Variants in RABGGTB observed in about 807,000 individuals in gnomAD.
RABGGTB encodes the protein Rab geranylgeranyltransferase subunit beta.
In RABGGTB, 20 loss-of-function variants were observed where a neutral mutation model predicts 44.5. The ratio of observed to expected loss-of-function variants is 0.45; its 90% CI spans 0.32 to 0.65. The LOEUF (loss-of-function observed/expected upper bound fraction) is 0.65, where lower values mean the gene tolerates loss of function less well. Among genes scored for constraint, RABGGTB ranks in the 30% least tolerant of loss-of-function variants. The probability of loss-of-function intolerance (pLI) is 0.05; values close to 1 mark genes in which losing one functional copy is unlikely to be tolerated. For synonymous variants in RABGGTB, 128 were observed against 136.7 expected (o/e 0.94, Z 0.44); for missense variants, 302 against 398.7 (o/e 0.76, Z 2.06).
intron 1 of RABGGTB, chr1:75,786,579 A>C: frequency 2.5e-6 from 1 of 392,574 alleles, no homozygotes; most frequent in Non-Finnish European, 4.6e-6. Flanking sequence ...TTTCTTGGAG[A>C]GGGGGTGTCA....
rs1365405250 is a variant in RABGGTB at position 75,794,922 on chromosome 1, C to A, written c.*272C>A. On this transcript the variant is annotated 3_prime_UTR_variant, in exon 9 of 9. Coordinates refer to ENST00000319942, the MANE Select transcript of RABGGTB (RefSeq NM_004582.4). The stretch of plus-strand genomic sequence containing the variant: ...ATAACTGAGCTAACATAAAATAACT[C>A]TAGGTTTCTACTTGATTTTTCCCCC... 1.6e-5 allele frequency: 3 copies of A among 192,274 alleles called. No homozygotes were observed. The highest frequency in any genetic ancestry group is 7.1e-5 in the African/African-American group (3 of 42,120). The allele number at this position is 192,274 out of a possible 1,614,324, so 11.9% of individuals were successfully genotyped here. A position where few individuals can be genotyped will look rare whatever the true frequency, so the allele number is the denominator to read the frequency against.
rs1649729097 is a variant in RABGGTB at position 75,794,774 on chromosome 1, A to G, written c.*124A>G. The G allele has an allele frequency of 1.6e-6, 1 of 628,700 alleles. No individual in the cohort carries two copies. Among genetic ancestry groups the G allele is most frequent in the Non-Finnish European group, 2.2e-6 (1 of 453,232 alleles). 38.9% of individuals were successfully genotyped at this position (628,700 alleles called of 1,614,324 possible). ...TGTATATTGTGTTAAATTAATTTTA[A>G]TAAATTATATAATTATACATATTGT... On this transcript the variant is annotated 3_prime_UTR_variant, in exon 9 of 9. Transcript: ENST00000319942.
chr1:75,790,352 A>AT, intron 4 of RABGGTB: 1 of 1,155,070 alleles, frequency 8.7e-7, no homozygotes, highest in Non-Finnish European at 1.0e-6. Flanking sequence ...AGGGAAAAAT[A>AT]TTTAAAAAAA....
At position 75,793,314 on chromosome 1, in the gene RABGGTB, C is replaced by G. The variant is rs371734716; in HGVS notation, c.706-770C>G. On this transcript the variant is annotated intron_variant, in intron 7 of 8. Transcript: ENST00000319942. ...GTATCACCATGTTCATCAGGCTGAT[C>G]TTGAACTCCTGACCTCAGGTGATCT... 3.4e-4 allele frequency: 51 copies of G among 151,768 alleles called. 1 individual carries two copies. The highest frequency in any genetic ancestry group is 1.2e-3 in the African/African-American group (50 of 41,344). 9.4% of individuals were successfully genotyped at this position (151,768 alleles called of 1,614,324 possible). A position where few individuals can be genotyped will look rare whatever the true frequency, so the allele number is the denominator to read the frequency against.
Position 75,794,579 on chromosome 1 carries a change from G to C in RABGGTB, c.925G>C (p.Val309Leu). The C allele has an allele frequency of 1.2e-6, 2 of 1,612,928 alleles. No homozygotes were observed. Among genetic ancestry groups the C allele is most frequent in the Non-Finnish European group, 1.7e-6 (2 of 1,179,308 alleles). ...SLLGEEQIKP[V>L]NPVFCMPEEV... ...TTTGGGAGAAGAACAGATTAAACCTGTTAATCCTGTCTTTTGCATGCCTGA... is the reference window on the plus strand; with the variant it reads ...TTTGGGAGAAGAACAGATTAAACCTCTTAATCCTGTCTTTTGCATGCCTGA... Residue 309 changes from valine (V) to leucine (L), a missense_variant, in exon 9 of 9, where the codon GTT (valine) becomes CTT (leucine). Physicochemically the swap from Val to Leu is conservative, Grantham distance 32. Transcript: ENST00000319942.
At chr1:75,790,271 T>TA in intron 4 of RABGGTB, 1 of 1,235,828 alleles carries the variant, frequency 8.1e-7, no homozygotes. Flanking sequence ...GTCTAAAAGA[T>TA]AAGGTAGGTG....
Position 75,789,947 on chromosome 1 carries a change from T to C in RABGGTB, c.310-5T>C. 1 of 1,588,292 alleles carries C rather than the reference T, an allele frequency of 6.3e-7. No homozygotes were observed. Among genetic ancestry groups the C allele is most frequent in the Non-Finnish European group, 8.6e-7 (1 of 1,158,592 alleles). On this transcript the variant is annotated splice_polypyrimidine_tract_variant and splice_region_variant and intron_variant, in intron 3 of 8. Transcript: ENST00000319942. ...ACATTTACCTAATACTTGTCTTTAT[T>C]GCAGATTCTTACGCTGTATGACAGT... is the stretch of plus-strand genomic sequence containing the variant.
chr1:75,794,105 T>A lies in RABGGTB; in HGVS notation c.727T>A (p.Trp243Arg). ...PEKLPDVCYS[W>R]WVLASLKIIG... ...CTAGTTACCAGATGTATGCTACTCA[T>A]GGTGGGTCCTGGCTTCCCTAAAGAT... is the stretch of plus-strand genomic sequence containing the variant. The change falls in exon 8 of 9, where the codon TGG becomes AGG. Residue 243 changes from tryptophan to arginine, a missense_variant. Transcript: ENST00000319942. 1.9e-6 allele frequency: 3 copies of A among 1,611,806 alleles called. No individual in the cohort carries two copies. The highest frequency in any genetic ancestry group is 2.5e-6 in the Non-Finnish European group (3 of 1,178,642).
At chr1:75,791,611 G>T (rs768621396) in intron 6 of RABGGTB, 40 bp downstream of exon 6, 1 of 1,511,526 alleles carries the variant, frequency 6.6e-7, no homozygotes, top group Non-Finnish European at 9.1e-7. Context: ...TGTCATTTTG[G>T]AAGCCAGTGT....
chr1:75,789,286 A>G lies in RABGGTB; in HGVS notation c.239A>G (p.His80Arg). 6.2e-7 allele frequency: 1 copy of G among 1,614,138 alleles called. No individual in the cohort carries two copies. The highest frequency in any genetic ancestry group is 8.5e-7 in the Non-Finnish European group (1 of 1,180,014). The change falls in exon 3 of 9, where the codon CAT (histidine) becomes CGT (arginine). Residue 80 changes from histidine (H) to arginine (R), a missense_variant. Around this residue, in one of 2 missense-constraint regions of RABGGTB, gnomAD observed 213 missense variants for 323.7 expected, o/e 0.66. Transcript: ENST00000319942. ...EILAFIKSCQ[H>R]ECGGISASIG... The stretch of plus-strand genomic sequence containing the variant: ...CTGGCATTTATTAAGTCTTGCCAAC[A>G]TGAATGTGGTGGAATAAGTGCTAGT...
rs754340395 is a variant in RABGGTB, at chr1:75,787,468, T to C, written c.4-29T>C. On this transcript the variant is annotated intron_variant, in intron 1 of 8. Coordinates refer to ENST00000319942, the MANE Select transcript of RABGGTB (RefSeq NM_004582.4). ...CAGAAGAACGTTGTAGAGGTAAACA[T>C]TGATGAGATTACCACTTTATTTTGA... 17 of 1,504,788 alleles carry C rather than the reference T, an allele frequency of 1.1e-5. No individual in the cohort carries two copies. In the African/African-American group the frequency reaches 2.2e-4, roughly 19 times the overall value. 93.2% of individuals were successfully genotyped at this position (1,504,788 alleles called of 1,614,324 possible).
chr1:75,788,244 ATCTT>A (rs1649549347), intron 2 of RABGGTB: 1 of 184,094 alleles, frequency 5.4e-6, no homozygotes, highest in African/African-American at 2.4e-5. Flanking sequence ...TCTGCTATCT[ATCTT>A]TATGCCCTGA....
At chr1:75,790,270 A>G (rs1207561251) in intron 4 of RABGGTB, 1 of 1,236,198 alleles carries the variant, frequency 8.1e-7, no homozygotes, top group Non-Finnish European at 1.0e-6. Flanking sequence ...AGTCTAAAAG[A>G]TAAGGTAGGT....
At chr1:75,787,669 G>C (rs770650468) in intron 2 of RABGGTB, 65 bp downstream of exon 2, 96 of 1,323,242 alleles carry the variant, frequency 7.3e-5, no homozygotes, top group Admixed American at 1.0e-4. Flanking sequence ...TAAGCAGTGA[G>C]ACAGTATTTA....
chr1:75,787,037 A>T (rs759523458), intron 1 of RABGGTB: 4 of 512,408 alleles, frequency 7.8e-6, no homozygotes, highest in South Asian at 5.7e-5. Flanking sequence ...TTGAATGAAA[A>T]GTGAACAACA....
In RABGGTB at chr1:75,794,735, T is replaced by C. The variant is rs1649728540; in HGVS notation, c.*85T>C. The C allele has an allele frequency of 6.3e-6, 7 of 1,105,238 alleles. No homozygotes were observed. The highest frequency in any genetic ancestry group is 2.4e-4 in the Middle Eastern group (1 of 4,094). The allele number at this position is 1,105,238 out of a possible 1,614,324, so 68.5% of individuals were successfully genotyped here. A position where few individuals can be genotyped will look rare whatever the true frequency, so the allele number is the denominator to read the frequency against. On this transcript the variant is annotated 3_prime_UTR_variant, in exon 9 of 9. Coordinates refer to ENST00000319942, the MANE Select transcript of RABGGTB (RefSeq NM_004582.4). ...AGTGCTTATCGAATCTAAAAGTGAC[T>C]ACTGTTAATATTTTGTATATTGTGT...
intron 4 of RABGGTB, 45 bp downstream of exon 4, chr1:75,790,102 A>G: frequency 1.2e-6 from 2 of 1,606,594 alleles, no homozygotes; most frequent in Non-Finnish European, 1.7e-6. Context: ...CCAATATTAA[A>G]ATGTACTGGT....
upstream of RABGGTB, chr1:75,786,215 G>A: frequency 6.2e-7 from 1 of 1,610,752 alleles, no homozygotes; most frequent in Non-Finnish European, 8.5e-7. Flanking sequence ...CTGCGCAGGC[G>A]CCCGGCTCCT....
chr1:75,788,163 C>T, intron 2 of RABGGTB: 1 of 283,108 alleles, frequency 3.5e-6, no homozygotes. Context: ...TTCCCATAAC[C>T]TTGAAAATAC....
Sources: gnomAD v4.1 joint callset for allele counts on GRCh38, gnomAD v4.1.1 for gene constraint, gnomAD v4.1.1 regional missense constraint, MANE v1.5 for transcripts, NCBI Gene and HGNC (gene_info 2026-07-23, HGNC 2026-07-21) for gene names.